Variants in DLG5 observed in about 807,000 individuals in gnomAD.
DLG5 encodes the protein disks large homolog 5.
Under a neutral mutation model 189.8 loss-of-function variants are expected in DLG5, and 48 were observed. The observed-to-expected ratio is 0.25, with a 90% CI of 0.20 to 0.32. The LOEUF (loss-of-function observed/expected upper bound fraction) is 0.32, where lower values mean the gene tolerates loss of function less well. DLG5 is among the 10% of genes least tolerant of loss of function. The pLI is 1.00. For synonymous variants in DLG5, 1,016 were observed against 1,054.1 expected, an observed-to-expected ratio of 0.96 and a Z score of 0.70; for missense variants, 2,160 against 2,544.7, an observed-to-expected ratio of 0.85 and a Z score of 3.25.
chr10:77,903,058 A>G (rs1397816987), intron 1 of DLG5, among the ~76,000 whole-genome samples: 1 of 152,246 alleles, frequency 6.6e-6, no homozygotes, highest in Non-Finnish European at 1.5e-5. Flanking sequence ...TGAGATAGTA[A>G]CACCTTTGCA....
chr10:77,805,597 G>T, intron 27 of DLG5, 68 bp downstream of exon 27: 1 of 1,494,930 alleles, frequency 6.7e-7, no homozygotes, highest in Non-Finnish European at 9.1e-7. Flanking sequence ...AGTCCCTGTT[G>T]TGGAGCTCCT....
intron 5 of DLG5, among the ~76,000 whole-genome samples, chr10:77,846,977 C>T (rs935765577): frequency 1.3e-5 from 2 of 152,050 alleles, no homozygotes; most frequent in Non-Finnish European, 2.9e-5. Flanking sequence ...CACAAGTGCT[C>T]GGCAGAATCA....
chr10:77,828,523 T>C (rs1842752667), intron 13 of DLG5, among the ~76,000 whole-genome samples: 1 of 147,478 alleles, frequency 6.8e-6, no homozygotes, highest in Admixed American at 6.7e-5. Flanking sequence ...TAATAGAGGT[T>C]ATCTACAGGT....
At position 77,793,816 on chromosome 10, in the gene DLG5, T is replaced by C. The variant is rs1361764249; in HGVS notation, c.5656+192A>G. 8.3e-6 allele frequency: 5 copies of C among 604,946 alleles called. No homozygotes were observed. In the Admixed American group the frequency reaches 8.7e-5, roughly 11 times the overall value. The allele number at this position is 604,946 out of a possible 1,614,324, so 37.5% of individuals were successfully genotyped here. ...GAGGCCAAGATCGGTGAGCTTAACA[T>C]TCAACCTGTAAGAATCCTGACGTTG... On this transcript the variant is annotated intron_variant, in intron 31 of 31. Coordinates refer to ENST00000372391, the MANE Select transcript of DLG5 (RefSeq NM_004747.4).
chr10:77,938,453 C>T, the DLG5 span, among the ~76,000 whole-genome samples: 3 of 152,056 alleles, frequency 2.0e-5, no homozygotes, highest in Non-Finnish European at 4.4e-5. Context: ...CAAACAAAAA[C>T]CTCACCTACT....
chr10:77,831,714 G>C (rs1842903725), intron 9 of DLG5, among the ~76,000 whole-genome samples: 1 of 152,180 alleles, frequency 6.6e-6, no homozygotes, highest in Admixed American at 6.5e-5. Context: ...AATGATGCTG[G>C]AGCGACTGCA....
intron 1 of DLG5, among the ~76,000 whole-genome samples, chr10:77,885,043 C>T (rs1001200786): frequency 6.6e-6 from 1 of 152,174 alleles, no homozygotes; most frequent in African/African-American, 2.4e-5. Flanking sequence ...TTAAATGAGA[C>T]TTTGGGTACT....
At chr10:77,820,135 C>T in intron 15 of DLG5, 117 bp from the exon 16 acceptor site, 2 of 1,435,136 alleles carry the variant, frequency 1.4e-6, no homozygotes, top group South Asian at 2.6e-5. Context: ...CACCTAAGGT[C>T]AGGAGTTCAA....
chr10:77,877,634 G>C (rs142257501), intron 1 of DLG5, among the ~76,000 whole-genome samples: 82 of 152,316 alleles, frequency 5.4e-4, no homozygotes, highest in African/African-American at 1.9e-3. Flanking sequence ...CCACCTCTCG[G>C]TTCCTGCTTT....
chr10:77,808,692 G>A (rs747892800), intron 24 of DLG5, among the ~76,000 whole-genome samples: 10 of 152,146 alleles, frequency 6.6e-5, no homozygotes, highest in Non-Finnish European at 1.3e-4. Flanking sequence ...ACCCCCTGAT[G>A]CCCAGGGCCT....
At chr10:77,824,041 T>A (rs1453264435) in intron 14 of DLG5, among the ~76,000 whole-genome samples, 1 of 152,172 alleles carries the variant, frequency 6.6e-6, no homozygotes, top group African/African-American at 2.4e-5. Context: ...CCATGACACA[T>A]CACTTCTAAC....
In DLG5 at chr10:77,805,247, C is replaced by T. The variant is rs149464403; in HGVS notation, c.5164+418G>A. 2.2e-3 allele frequency among the ~76,000 whole-genome samples: 342 copies of T among 152,136 alleles called. 3 individuals carry two copies. The highest frequency in any genetic ancestry group is 7.2e-3 in the African/African-American group (298 of 41,450). ...AGCCTCCCAAAGTGCTGGGATTAAA[C>T]GTGTGAGCCACTGTGCCTGGCCAAA... On this transcript the variant is annotated intron_variant, in intron 27 of 31. Coordinates refer to ENST00000372391, the MANE Select transcript of DLG5 (RefSeq NM_004747.4).
intron 20 of DLG5, among the ~76,000 whole-genome samples, chr10:77,812,839 T>C (rs1022203792): frequency 1.3e-5 from 2 of 152,206 alleles, no homozygotes; most frequent in South Asian, 4.1e-4. Context: ...TGCAAACTGG[T>C]CACGGAAATT....
intron 1 of DLG5, among the ~76,000 whole-genome samples, chr10:77,895,635 A>C (rs1182455520): frequency 1.3e-5 from 2 of 152,194 alleles, no homozygotes; most frequent in Admixed American, 1.3e-4. Flanking sequence ...CAGATTCTGT[A>C]AAAAAAGGAT....
At chr10:77,803,886 AT>A (rs71030905) in intron 27 of DLG5, among the ~76,000 whole-genome samples, 3,118 of 129,362 alleles carry the variant, frequency 0.024, 60 homozygotes, top group East Asian at 0.084. Context: ...ACAGGTTGGC[AT>A]TTTTTTTTTT....
intron 19 of DLG5, 152 bp downstream of exon 19, chr10:77,816,855 C>T: frequency 7.5e-7 from 1 of 1,328,316 alleles, no homozygotes; most frequent in Non-Finnish European, 1.0e-6. Context: ...TGCCCCCTAC[C>T]CCCCACACCA....
chr10:77,923,489 G>A, intron 1 of DLG5, among the ~76,000 whole-genome samples: 1 of 152,250 alleles, frequency 6.6e-6, no homozygotes, highest in East Asian at 1.9e-4. Context: ...CCGGGGCAGT[G>A]GCTCACGCCT....
At position 77,835,885 on chromosome 10, in the gene DLG5, T is replaced by C; in HGVS notation, c.1475A>G (p.Asn492Ser). 1 of 1,613,826 alleles carries C rather than the reference T, an allele frequency of 6.2e-7. No individual in the cohort carries two copies. Among genetic ancestry groups the C allele is most frequent in the Admixed American group, 1.7e-5 (1 of 60,012 alleles). ...DTVTMDAGRA[N>S]KEVEILRKQC... ...CTTTCGAAGGATTTCAACCTCCTTG[T>C]TGGCTCTCCCAGCATCCATTGTCAC... Residue 492 changes from asparagine to serine, a missense_variant, in exon 8 of 32, where the codon AAC becomes AGC. Physicochemically the swap from Asn to Ser is conservative, Grantham distance 46 (BLOSUM62 1). Transcript: ENST00000372391.
intron 1 of DLG5, among the ~76,000 whole-genome samples, chr10:77,914,655 T>A (rs865794462): frequency 2.6e-5 from 4 of 151,866 alleles, no homozygotes; most frequent in South Asian, 2.1e-4. Context: ...CATTCATCCA[T>A]GTCCTTCTCC....
Sources: gnomAD v4.1 joint callset for allele counts (sites outside exome capture counted in the v4.1 genomes callset) on GRCh38, gnomAD v4.1.1 for gene constraint, MANE v1.5 for transcripts, NCBI Gene and HGNC (gene_info 2026-07-23, HGNC 2026-07-21) for gene names.